The following DOK7 variants were observed in gnomAD, a reference collection of about 807,000 sequenced individuals.
DOK7 encodes docking protein 7.
Under a neutral mutation model 30.7 loss-of-function variants are expected in DOK7, and 32 were observed. The observed-to-expected ratio is 1.04, with a 90% CI of 0.79 to 1.40. The LOEUF (loss-of-function observed/expected upper bound fraction) is 1.40, where lower values mean the gene tolerates loss of function less well. Ranked by LOEUF, DOK7 falls within the 40% of genes most tolerant of loss-of-function variation. The pLI is 0.00. For synonymous variants in DOK7, 447 were observed against 324.1 expected (o/e 1.38, Z -4.07); for missense variants, 1,007 against 699.2 (o/e 1.44, Z -4.97).
chr4:3,468,790 A>G (rs62644694), intron 2 of DOK7, among the ~76,000 whole-genome samples: 18,708 of 129,918 alleles, frequency 0.14, 1,255 homozygotes, highest in Middle Eastern at 0.28. Context: ...GCCTGTGATC[A>G]TGTATGTCTG....
At chr4:3,484,977 C>G (rs992415637) in intron 4 of DOK7, 21 of 741,450 alleles carry the variant, frequency 2.8e-5, no homozygotes, top group African/African-American at 5.7e-5. Context: ...TCTCCTGTGG[C>G]CTTGGAGCCC....
chr4:3,493,119 C>A lies in DOK7; in HGVS notation c.1133C>A (p.Ala378Glu). The A allele has an allele frequency of 6.3e-7, 1 of 1,589,586 alleles. No individual in the cohort carries two copies. Among genetic ancestry groups the A allele is most frequent in the Non-Finnish European group, 8.5e-7 (1 of 1,171,302 alleles). ...ELGSLLSLPA[A>E]GAPEPSLCTC... Reference sequence around the variant, plus strand: ...GGCTCACTGCTCAGCCTGCCAGCAGCGGGGGCCCCCGAGCCCAGCCTGTGC... The same window carrying A: ...GGCTCACTGCTCAGCCTGCCAGCAGAGGGGGCCCCCGAGCCCAGCCTGTGC... Residue 378 changes from alanine to glutamate, a missense_variant, in exon 7 of 7, where the codon GCG (alanine) becomes GAG (glutamate). Ala to Glu is a moderately radical substitution (Grantham distance 107, BLOSUM62 -1). Transcript: ENST00000340083.
chr4:3,488,691 G>A (rs1385333878), intron 5 of DOK7, among the ~76,000 whole-genome samples: 1 of 152,200 alleles, frequency 6.6e-6, no homozygotes, highest in East Asian at 1.9e-4. Context: ...GCTCAGTCCT[G>A]CAGGTGCCCC....
chr4:3,494,995 CG>C (rs1357178986), downstream of DOK7, among the ~76,000 whole-genome samples: 1 of 152,158 alleles, frequency 6.6e-6, no homozygotes, highest in Admixed American at 6.5e-5. Flanking sequence ...TGACTCTGAG[CG>C]GGGAGTTCTG....
Position 3,492,933 on chromosome 4 carries a change from G to C in DOK7, c.947G>C (p.Arg316Thr), listed in dbSNP as rs1484601097. Residue 316 changes from arginine to threonine, a missense_variant, in exon 7 of 7, where the codon AGG becomes ACG. Transcript: ENST00000340083. ...AAGEAMVGAS[R>T]PPPKPLRPRQ... ...GGGGAAGCCATGGTGGGTGCCTCAA[G>C]GCCACCCCCCAAGCCGCTGCGTCCG... The C allele has an allele frequency of 1.3e-6, 2 of 1,558,686 alleles. No individual in the cohort carries two copies. The highest frequency in any genetic ancestry group is 3.8e-5 in the Admixed American group (2 of 52,224).
chr4:3,496,871 C>G, downstream of DOK7: 1 of 1,507,210 alleles, frequency 6.6e-7, no homozygotes, highest in Non-Finnish European at 8.9e-7. Context: ...AGGTAGGCAC[C>G]TGGAGCCAGT....
At position 3,500,379 on chromosome 4, in the gene DOK7, CAGG is replaced by C. The variant is rs1560242406; in HGVS notation, c.1241_1243del (p.Glu414del). 5 of 1,535,924 alleles carry C rather than the reference CAGG, an allele frequency of 3.3e-6. No individual in the cohort carries two copies. In the South Asian group the frequency reaches 5.9e-5, roughly 18 times the overall value. On this transcript the variant is annotated inframe_deletion, in exon 7 of 8. Coordinates refer to the DOK7 transcript ENST00000643608. Reference sequence around the variant, plus strand: ...GCTGCACTACATGGGCCTGGAGCTCCAGGAGGCCAGCGAGGGTGTCCGAGGTGG... The same window carrying C: ...GCTGCACTACATGGGCCTGGAGCTCCAGGCCAGCGAGGGTGTCCGAGGTGG...
rs746371931 is a variant in DOK7, at chr4:3,485,648, G to C, written c.642G>C (p.Pro214=). 1 of 1,593,316 alleles carries C rather than the reference G, an allele frequency of 6.3e-7. No individual in the cohort carries two copies. Among genetic ancestry groups the C allele is most frequent in the Non-Finnish European group, 8.6e-7 (1 of 1,169,012 alleles). The change falls in exon 5 of 7, where the codon CCG becomes CCC. Residue 214 remains proline (P), a synonymous_variant. Coordinates refer to ENST00000340083, the MANE Select transcript of DOK7 (RefSeq NM_173660.5). ...SPTKGPFGLR[P]VLPDPSPPGP... ...CCAAGGGCCCCTTTGGGCTGCGGCC[G>C]GTTCTACCAGGTGCGTGTGGGAGCC... is the stretch of plus-strand genomic sequence containing the variant.
At chr4:3,479,807 G>T (rs1019202008) in intron 4 of DOK7, among the ~76,000 whole-genome samples, 1 of 152,216 alleles carries the variant, frequency 6.6e-6, no homozygotes, top group Non-Finnish European at 1.5e-5. Flanking sequence ...GGGACAGGAG[G>T]TGGCTTGGTG....
intron 2 of DOK7, among the ~76,000 whole-genome samples, chr4:3,465,562 AC>A (rs1459120927): frequency 1.3e-5 from 2 of 152,094 alleles, no homozygotes; most frequent in African/African-American, 4.8e-5. Flanking sequence ...CCCGATGTGC[AC>A]CTTTTCCACT....
At chr4:3,468,081 CATG>C (rs768746714) in intron 2 of DOK7, among the ~76,000 whole-genome samples, 15 of 152,284 alleles carry the variant, frequency 9.9e-5, no homozygotes, top group Admixed American at 5.2e-4. Flanking sequence ...TGTGCACAAG[CATG>C]AGTGCAAGTG....
intron 6 of DOK7, 22 bp from the exon 7 acceptor site, chr4:3,492,737 T>C (rs1459156381): frequency 6.2e-7 from 1 of 1,611,544 alleles, no homozygotes; most frequent in Non-Finnish European, 8.5e-7. Context: ...CACAACTGCC[T>C]TGGCTTCCTG....
At chr4:3,476,617 C>A in intron 4 of DOK7, 75 bp downstream of exon 4, 2 of 1,584,600 alleles carry the variant, frequency 1.3e-6, no homozygotes, top group Non-Finnish European at 1.7e-6. Context: ...GGCTTCGGGC[C>A]GGCCGACCCC....
Position 3,492,905 on chromosome 4 carries a change from G to C in DOK7, c.919G>C (p.Ala307Pro), listed in dbSNP as rs150415034. ...GCCTAGACCAGCAGCTGCCCAGGCC[G>C]CCGGGGAAGCCATGGTGGGTGCCTC... The part of the protein sequence containing the change: ...EGPRPAAAQA[A>P]GEAMVGASRP... The change falls in exon 7 of 7, where the codon GCC (alanine) becomes CCC (proline). Residue 307 changes from alanine (A) to proline (P), a missense_variant. Ala to Pro is a conservative substitution (Grantham distance 27). Coordinates refer to ENST00000340083, the MANE Select transcript of DOK7 (RefSeq NM_173660.5). 2.0e-5 allele frequency: 31 copies of C among 1,574,622 alleles called. No individual in the cohort carries two copies. Among genetic ancestry groups the C allele is most frequent in the Non-Finnish European group, 2.5e-5 (29 of 1,163,332 alleles).
At chr4:3,500,919 C>A in exon 8 of DOK7, 1 of 1,431,602 alleles carries the variant, frequency 7.0e-7, no homozygotes, top group South Asian at 1.5e-5. Context: ...GTGGTCTGGT[C>A]CCCAGGGAGC....
At chr4:3,490,109 C>CTCATTCATT (rs1193214181) in intron 6 of DOK7, among the ~76,000 whole-genome samples, 1 of 61,190 alleles carries the variant, frequency 1.6e-5, no homozygotes, top group Non-Finnish European at 3.4e-5. Flanking sequence ...TTTCTTCACC[C>CTCATTCATT]CCATTCATTC....
Position 3,468,251 on chromosome 4 carries a change from T to C in DOK7, c.100+4700T>C, listed in dbSNP as rs537166293. The stretch of plus-strand genomic sequence containing the variant: ...CTGTGTGGGGGTGTATGTGTGCAAG[T>C]GTGTGTCCGCGTGCATGTGAATACC... On this transcript the variant is annotated intron_variant, in intron 2 of 6. Transcript: ENST00000340083. 2.4e-3 allele frequency among the ~76,000 whole-genome samples: 367 copies of C among 151,846 alleles called. 2 individuals carry two copies. The highest frequency in any genetic ancestry group is 7.9e-3 in the African/African-American group (326 of 41,330).
At chr4:3,479,187 G>A (rs998621326) in intron 4 of DOK7, among the ~76,000 whole-genome samples, 12 of 152,226 alleles carry the variant, frequency 7.9e-5, no homozygotes, top group African/African-American at 1.9e-4. Flanking sequence ...TGGCCCCGGC[G>A]GCCTCGGCTC....
chr4:3,490,590 C>CATTT (rs1728272889), intron 6 of DOK7, among the ~76,000 whole-genome samples: 3 of 36,408 alleles, frequency 8.2e-5, no homozygotes, highest in African/African-American at 2.2e-4. Context: ...TCTGCTCATT[C>CATTT]CTTCATTTCT....
Sources: allele counts gnomAD v4.1 joint callset (sites outside exome capture counted in the v4.1 genomes callset), GRCh38; gene constraint gnomAD v4.1.1; transcripts MANE v1.5; gene names NCBI Gene and HGNC (gene_info 2026-07-23, HGNC 2026-07-21).